Variants in ZNF415 observed in about 807,000 individuals in gnomAD.
ZNF415 encodes the protein zinc finger protein 415.
A neutral mutation model predicts 7.3 loss-of-function variants in ZNF415; 5 were observed. The observed-to-expected ratio is 0.69, with a 90% CI of 0.36 to 1.44. The LOEUF is 1.44. Ranked by LOEUF, ZNF415 falls within the 40% of genes most tolerant of loss-of-function variation. ZNF415 has a pLI of 0.04. For missense variants in ZNF415, 628 were observed against 664.8 expected, an observed-to-expected ratio of 0.94 and a Z score of 0.61; for synonymous variants, 207 against 226.3, an observed-to-expected ratio of 0.91 and a Z score of 0.77.
intron 1 of ZNF415, among the ~76,000 whole-genome samples, chr19:53,125,129 C>T (rs980994002): frequency 1.3e-5 from 2 of 151,932 alleles, no homozygotes; most frequent in East Asian, 1.9e-4. Flanking sequence ...CTGCAACCTC[C>T]GCCTCCCGGG....
intron 1 of ZNF415, among the ~76,000 whole-genome samples, chr19:53,127,979 C>G (rs931425387): frequency 6.6e-6 from 1 of 152,152 alleles, no homozygotes; most frequent in African/African-American, 2.4e-5. Flanking sequence ...TGTGCTACAG[C>G]CAGACCTGAG....
chr19:53,112,507 C>T (rs924279130), intron 3 of ZNF415, among the ~76,000 whole-genome samples: 9 of 152,282 alleles, frequency 5.9e-5, no homozygotes, highest in Non-Finnish European at 1.3e-4. Context: ...TCATCACTTC[C>T]TACACATACT....
intron 1 of ZNF415, among the ~76,000 whole-genome samples, chr19:53,123,124 T>A (rs1363436548): frequency 6.6e-6 from 1 of 152,134 alleles, no homozygotes; most frequent in Non-Finnish European, 1.5e-5. Context: ...ATTAGAATCA[T>A]GTTGGGCACT....
Position 53,108,982 on chromosome 19 carries a change from G to A in ZNF415, c.1063C>T (p.Pro355Ser). Residue 355 changes from proline (P) to serine (S), a missense_variant, in exon 4 of 4, where the codon CCT becomes TCT. By Grantham distance (74) the Pro-to-Ser change is moderately conservative (BLOSUM62 -1). Coordinates refer to ENST00000243643, the MANE Select transcript of ZNF415 (RefSeq NM_018355.4). ...NHQVIHSGKK[P>S]YKCNECGKVF... ...TTGCCACATTCATTGCATTTGTAAG[G>A]TTTCTTGCCACTATGAATTACCTGA... 4 of 1,614,088 alleles carry A rather than the reference G, an allele frequency of 2.5e-6. No individual in the cohort carries two copies. The highest frequency in any genetic ancestry group is 3.4e-6 in the Non-Finnish European group (4 of 1,180,004).
intron 3 of ZNF415, chr19:53,115,834 G>T: frequency 1.3e-6 from 2 of 1,523,832 alleles, no homozygotes; most frequent in Non-Finnish European, 1.8e-6. Context: ...AGAATTTCCC[G>T]CTTATAAAAT....
intron 3 of ZNF415, among the ~76,000 whole-genome samples, chr19:53,113,857 A>G (rs962816267): frequency 5.3e-5 from 8 of 152,224 alleles, no homozygotes; most frequent in African/African-American, 1.9e-4. Context: ...CAGCGCTGTC[A>G]CAGTGCCCTC....
At chr19:53,115,758 C>T (rs1246190855) in intron 3 of ZNF415, 1 of 1,550,492 alleles carries the variant, frequency 6.4e-7, no homozygotes, top group East Asian at 2.4e-5. Flanking sequence ...GCTACTCGTA[C>T]TTGGCTTTCT....
chr19:53,123,654 T>A (rs1358045986), intron 1 of ZNF415: 1 of 398,510 alleles, frequency 2.5e-6, no homozygotes, highest in Non-Finnish European at 4.4e-6. Flanking sequence ...GTCAGAGAGG[T>A]CCTGGGAGGG....
chr19:53,113,142 GTTCATT>G (rs949911377), intron 3 of ZNF415, among the ~76,000 whole-genome samples: 5 of 148,510 alleles, frequency 3.4e-5, no homozygotes, highest in African/African-American at 1.3e-4. Flanking sequence ...TGAAAAAGAT[GTTCATT>G]TATACCACAT....
At chr19:53,132,831 T>C (rs1186777581) in intron 1 of ZNF415, 25 bp downstream of exon 1, 1 of 151,932 alleles carries the variant, frequency 6.6e-6, no homozygotes, top group African/African-American at 2.4e-5. Flanking sequence ...GAGCGCAGGT[T>C]TAATCTACAC....
intron 1 of ZNF415, among the ~76,000 whole-genome samples, chr19:53,127,290 A>G (rs1175776809): frequency 6.6e-6 from 1 of 152,238 alleles, no homozygotes; most frequent in Non-Finnish European, 1.5e-5. Flanking sequence ...CACTCCCCAG[A>G]TAGTCCATAA....
At chr19:53,122,624 G>A (rs1482499929) in intron 2 of ZNF415, 38 bp downstream of exon 2, 5 of 1,613,690 alleles carry the variant, frequency 3.1e-6, no homozygotes, top group Non-Finnish European at 4.2e-6. Context: ...TTTCTGAAAA[G>A]AGGGAGACAG....
Position 53,113,279 on chromosome 19 carries a change from C to T in ZNF415, c.136+3034G>A, listed in dbSNP as rs10412971. ...ATCCCAGCACTTTGGGAGGCCGAGACGGGCGGATCACGAGGTCAGGAGATC... is the reference window on the plus strand; with the variant it reads ...ATCCCAGCACTTTGGGAGGCCGAGATGGGCGGATCACGAGGTCAGGAGATC... On this transcript the variant is annotated intron_variant, in intron 3 of 3. Transcript: ENST00000243643. Among the ~76,000 whole-genome samples, 3 of 89,614 alleles carry T rather than the reference C, an allele frequency of 3.3e-5. 1 individual carries two copies. Among genetic ancestry groups the T allele is most frequent in the Non-Finnish European group, 2.3e-5 (1 of 44,188 alleles). 58.8% of individuals were successfully genotyped at this position (89,614 alleles called of 152,430 possible).
chr19:53,122,013 G>A (rs1020736909), intron 2 of ZNF415, among the ~76,000 whole-genome samples: 2 of 151,834 alleles, frequency 1.3e-5, no homozygotes, highest in African/African-American at 2.4e-5. Flanking sequence ...TTGGGAAGCC[G>A]AGGTGGGTGG....
At chr19:53,122,373 C>T (rs2088243849) in intron 2 of ZNF415, 2 of 1,533,218 alleles carry the variant, frequency 1.3e-6, no homozygotes, top group African/African-American at 1.4e-5. Flanking sequence ...ATCCCTGCTG[C>T]CCAACAGCAC....
rs1380908631 is a variant in ZNF415 at position 53,108,824 on chromosome 19, A to G, written c.1221T>C (p.Thr407=). 1.2e-6 allele frequency: 2 copies of G among 1,614,088 alleles called. No individual in the cohort carries two copies. Among genetic ancestry groups the G allele is most frequent in the South Asian group, 2.2e-5 (2 of 91,086 alleles). The change falls in exon 4 of 4, where the codon ACT becomes ACC. Residue 407 remains threonine (T), a synonymous_variant. Transcript: ENST00000243643. ...SSLARHWRIH[T]GEKPYKCNEC... ...CATTGCATTTGTAAGGTTTCTCTCC[A>G]GTATGAATTCTCCAATGCCTTGCAA...
chr19:53,115,904 G>A, intron 3 of ZNF415: 1 of 1,012,710 alleles, frequency 9.9e-7, no homozygotes, highest in African/African-American at 1.6e-5. Context: ...TGGATAAGAA[G>A]AGAGGCTATC....
rs1034645257 is a variant in ZNF415 at position 53,109,023 on chromosome 19, G to A, written c.1022C>T (p.Ser341Leu). 1.9e-6 allele frequency: 3 copies of A among 1,613,656 alleles called. No individual in the cohort carries two copies. The highest frequency in any genetic ancestry group is 2.2e-5 in the South Asian group (2 of 91,072). ...AATTACCTGATGGTTGGTAAGTGTT[G>A]ACCTCACACTAAAGGCTTTGCCACA... ...KECGKAFSVRSTLTNHQVIHS... is the reference protein window; with the variant it reads ...KECGKAFSVRLTLTNHQVIHS... Residue 341 changes from serine (S) to leucine (L), a missense_variant, in exon 4 of 4, where the codon TCA becomes TTA. Ser to Leu is a moderately radical substitution (Grantham distance 145). Coordinates refer to ENST00000243643, the MANE Select transcript of ZNF415 (RefSeq NM_018355.4).
Position 53,116,312 on chromosome 19 carries a change from C to T in ZNF415, c.136+1G>A, listed in dbSNP as rs966372528. 7 of 1,607,116 alleles carry T rather than the reference C, an allele frequency of 4.4e-6. No individual in the cohort carries two copies. The highest frequency in any genetic ancestry group is 5.9e-6 in the Non-Finnish European group (7 of 1,178,130). On this transcript the variant is annotated splice_donor_variant, in intron 3 of 3. Coordinates refer to ENST00000243643, the MANE Select transcript of ZNF415 (RefSeq NM_018355.4). LOFTEE classifies it high-confidence loss of function. ...GACTTCTGGAAGAAAATTATCCTCA[C>T]CCAGGGAGACCAGGTTCCTGTAGTT...
Sources: allele counts gnomAD v4.1 joint callset (sites outside exome capture counted in the v4.1 genomes callset), GRCh38; gene constraint gnomAD v4.1.1; transcripts MANE v1.5; gene names NCBI Gene and HGNC (gene_info 2026-07-23, HGNC 2026-07-21).